Variants in RSRC1 observed in about 807,000 individuals in gnomAD.
RSRC1 encodes arginine and serine rich coiled-coil 1.
In RSRC1, 39 loss-of-function variants were observed where a neutral mutation model predicts 49.1. The ratio of observed to expected loss-of-function variants is 0.79; its 90% CI spans 0.61 to 1.04. The LOEUF is 1.04. Among genes scored for constraint, RSRC1 ranks in the 50% least tolerant of loss-of-function variants. The pLI, the probability that RSRC1 is intolerant of heterozygous loss-of-function variation, is 0.00. For missense variants in RSRC1, 388 were observed against 402.4 expected (o/e 0.96, Z 0.31); for synonymous variants, 143 against 130.8 (o/e 1.09, Z -0.63).
chr3:158,508,227 A>G (rs1739960590), intron 7 of RSRC1, among the ~76,000 whole-genome samples: 1 of 152,184 alleles, frequency 6.6e-6, no homozygotes, highest in South Asian at 2.1e-4. Flanking sequence ...GAAGGCTATG[A>G]TGATCAGTTG....
chr3:158,458,407 A>G (rs1737453086), intron 6 of RSRC1, among the ~76,000 whole-genome samples: 1 of 152,158 alleles, frequency 6.6e-6, no homozygotes, highest in African/African-American at 2.4e-5. Flanking sequence ...AAAATAGCAA[A>G]AACTGCAATT....
intron 4 of RSRC1, among the ~76,000 whole-genome samples, chr3:158,212,881 A>G (rs893396331): frequency 2.0e-5 from 3 of 151,986 alleles, no homozygotes; most frequent in African/African-American, 7.2e-5. Flanking sequence ...CCTGATATGA[A>G]TGATGCTAAA....
chr3:158,375,671 A>G (rs1341211919), intron 6 of RSRC1, among the ~76,000 whole-genome samples: 2 of 152,324 alleles, frequency 1.3e-5, no homozygotes, highest in Non-Finnish European at 2.9e-5. Context: ...GAAGATATCT[A>G]GAAACATAGT....
intron 3 of RSRC1, among the ~76,000 whole-genome samples, chr3:158,145,654 T>G (rs1412632731): frequency 6.6e-6 from 1 of 152,234 alleles, no homozygotes; most frequent in Middle Eastern, 3.2e-3. Context: ...AGTAGTTTTT[T>G]TCAATTCTGT....
chr3:158,115,820 C>A (rs1406503949), intron 1 of RSRC1, among the ~76,000 whole-genome samples: 1 of 152,102 alleles, frequency 6.6e-6, no homozygotes, highest in African/African-American at 2.4e-5. Context: ...GTTTTAGTAA[C>A]CCTTTTCAGG....
chr3:158,135,360 C>T (rs991349724), intron 3 of RSRC1, among the ~76,000 whole-genome samples: 1 of 151,374 alleles, frequency 6.6e-6, no homozygotes, highest in Non-Finnish European at 1.5e-5. Context: ...ACCTTCATCT[C>T]CTGGGTTCAA....
chr3:158,488,621 G>A (rs560893444), intron 7 of RSRC1, among the ~76,000 whole-genome samples: 1 of 152,134 alleles, frequency 6.6e-6, no homozygotes, highest in African/African-American at 2.4e-5. Context: ...CTCTAGCAAA[G>A]GGTCCATTAA....
At chr3:158,265,008 C>G (rs1725091049) in intron 4 of RSRC1, among the ~76,000 whole-genome samples, 1 of 152,216 alleles carries the variant, frequency 6.6e-6, no homozygotes, top group South Asian at 2.1e-4. Flanking sequence ...GTGCTGCTCT[C>G]TGGTCTGCCA....
chr3:158,479,874 A>G (rs1173514091), intron 7 of RSRC1, among the ~76,000 whole-genome samples: 1 of 152,104 alleles, frequency 6.6e-6, no homozygotes, highest in African/African-American at 2.4e-5. Context: ...ATACTATTCC[A>G]GAAATCTTGA....
rs545814750 is a variant in RSRC1, at chr3:158,158,775, A to G, written c.320+34784A>G. 1.4e-4 allele frequency among the ~76,000 whole-genome samples: 22 copies of G among 152,186 alleles called. 4 individuals are homozygous for G. In the South Asian group the frequency reaches 4.6e-3, roughly 32 times the overall value. On this transcript the variant is annotated intron_variant, in intron 3 of 9. Coordinates refer to ENST00000611884, the MANE Select transcript of RSRC1 (RefSeq NM_001271838.2). The stretch of plus-strand genomic sequence containing the variant: ...GCCAACATGGTGAAACCCCATCTCC[A>G]CTAAAAATACAAAAATTGCCAGGCC...
intron 6 of RSRC1, among the ~76,000 whole-genome samples, chr3:158,375,407 C>T (rs1425601097): frequency 6.6e-6 from 1 of 150,712 alleles, no homozygotes; most frequent in Non-Finnish European, 1.5e-5. Context: ...TTGCCATGTT[C>T]CCCAGGCTGG....
chr3:158,232,888 A>G lies in RSRC1; in HGVS notation c.494+29643A>G, dbSNP rs537517455. Among the ~76,000 whole-genome samples the G allele has an allele frequency of 5.3e-5, 8 of 152,248 alleles. No individual in the cohort carries two copies. In the East Asian group the frequency reaches 1.5e-3, roughly 29 times the overall value. ...CTTATATGACATGTTTTTACTACCC[A>G]TGAAGATATTTTAAATGTTTTGGTT... On this transcript the variant is annotated intron_variant, in intron 4 of 9. Coordinates refer to ENST00000611884, the MANE Select transcript of RSRC1 (RefSeq NM_001271838.2).
intron 7 of RSRC1, among the ~76,000 whole-genome samples, chr3:158,461,947 T>A (rs1350217924): frequency 7.0e-6 from 1 of 142,838 alleles, no homozygotes; most frequent in East Asian, 2.1e-4. Context: ...ACCCAAAGTA[T>A]AATGGTTTAG....
chr3:158,203,302 A>G, intron 4 of RSRC1, 57 bp downstream of exon 4: 1 of 1,499,798 alleles, frequency 6.7e-7, no homozygotes, highest in Non-Finnish European at 9.0e-7. Flanking sequence ...GCGATGTTCA[A>G]ACTAAATTTT....
intron 3 of RSRC1, among the ~76,000 whole-genome samples, chr3:158,129,102 A>C (rs916830138): frequency 6.6e-6 from 1 of 152,198 alleles, no homozygotes; most frequent in African/African-American, 2.4e-5. Context: ...TTTTCTAACT[A>C]TAAGTATTCT....
intron 6 of RSRC1, among the ~76,000 whole-genome samples, chr3:158,446,067 T>C (rs1322374160): frequency 6.6e-6 from 1 of 152,102 alleles, no homozygotes; most frequent in Non-Finnish European, 1.5e-5. Flanking sequence ...CTTGAAAATA[T>C]CTATTAATAG....
At chr3:158,229,437 C>G (rs188310659) in intron 4 of RSRC1, among the ~76,000 whole-genome samples, 146 of 148,392 alleles carry the variant, frequency 9.8e-4, no homozygotes, top group Admixed American at 6.8e-3. Flanking sequence ...TGTATATACA[C>G]ATATACACAC....
chr3:158,181,008 G>T (rs917558190), intron 3 of RSRC1, among the ~76,000 whole-genome samples: 2 of 151,596 alleles, frequency 1.3e-5, no homozygotes, highest in African/African-American at 4.9e-5. Context: ...GTTTCACTGT[G>T]TTGGCCAGGC....
At chr3:158,328,841 T>G (rs1729358770) in intron 5 of RSRC1, among the ~76,000 whole-genome samples, 1 of 152,218 alleles carries the variant, frequency 6.6e-6, no homozygotes, top group Non-Finnish European at 1.5e-5. Flanking sequence ...TTTTCCAGCT[T>G]GGTTCCATTC....
Sources: gnomAD v4.1 joint callset for allele counts (sites outside exome capture counted in the v4.1 genomes callset) on GRCh38, gnomAD v4.1.1 for gene constraint, MANE v1.5 for transcripts, NCBI Gene and HGNC (gene_info 2026-07-23, HGNC 2026-07-21) for gene names.